FNDC3B: variants seen among roughly 807,000 people sequenced by gnomAD.
The protein encoded by FNDC3B is fibronectin type III domain containing 3B, also known as fibronectin type III domain-containing protein 3B.
A neutral mutation model predicts 151.5 loss-of-function variants in FNDC3B; 12 were observed. That is an observed-to-expected ratio of 0.08 (90% CI 0.05 to 0.13). The LOEUF is 0.13. FNDC3B is among the 10% of genes least tolerant of loss of function. The pLI, the probability that FNDC3B is intolerant of heterozygous loss-of-function variation, is 1.00. For synonymous variants in FNDC3B, 528 were observed against 549.0 expected, an observed-to-expected ratio of 0.96 and a Z score of 0.54; for missense variants, 1,214 against 1,505.3, an observed-to-expected ratio of 0.81 and a Z score of 3.20.
At chr3:172,109,435 G>A (rs1345035605) in intron 1 of FNDC3B, among the ~76,000 whole-genome samples, 1 of 126,764 alleles carries the variant, frequency 7.9e-6, no homozygotes, top group Non-Finnish European at 1.6e-5. Context: ...CAAAGTGCTG[G>A]GATTACAGGC....
chr3:172,368,243 T>C (rs1734723143), intron 23 of FNDC3B, among the ~76,000 whole-genome samples: 1 of 146,624 alleles, frequency 6.8e-6, no homozygotes, highest in Admixed American at 6.9e-5. Flanking sequence ...ACACTACAGC[T>C]TGGGCAACAG....
intron 3 of FNDC3B, among the ~76,000 whole-genome samples, chr3:172,185,643 G>A (rs1374392748): frequency 6.6e-6 from 1 of 152,152 alleles, no homozygotes; most frequent in Non-Finnish European, 1.5e-5. Context: ...CTTGCTGTTT[G>A]CAATATGTCA....
At chr3:172,235,911 G>C (rs1168123229) in intron 4 of FNDC3B, among the ~76,000 whole-genome samples, 1 of 152,206 alleles carries the variant, frequency 6.6e-6, no homozygotes, top group Non-Finnish European at 1.5e-5. Context: ...TGCCTGAGAA[G>C]CTGGGCTGAA....
intron 6 of FNDC3B, among the ~76,000 whole-genome samples, chr3:172,262,648 G>A (rs1453661347): frequency 2.6e-5 from 4 of 151,552 alleles, no homozygotes; most frequent in African/African-American, 9.7e-5. Flanking sequence ...GCCAGGCATG[G>A]GAGGATCACT....
At chr3:172,382,751 C>T (rs765532073) in intron 25 of FNDC3B, among the ~76,000 whole-genome samples, 4 of 152,096 alleles carry the variant, frequency 2.6e-5, no homozygotes, top group Non-Finnish European at 5.9e-5. Context: ...TTGTTTTTGT[C>T]AGGTTTGTCA....
chr3:172,163,070 T>G (rs1050544944), intron 3 of FNDC3B, among the ~76,000 whole-genome samples: 1 of 152,108 alleles, frequency 6.6e-6, no homozygotes, highest in Non-Finnish European at 1.5e-5. Flanking sequence ...GCCAGGAGTT[T>G]GAGACCAGCC....
At chr3:172,285,195 C>G (rs1334088845) in intron 6 of FNDC3B, among the ~76,000 whole-genome samples, 1 of 152,146 alleles carries the variant, frequency 6.6e-6, no homozygotes, top group Non-Finnish European at 1.5e-5. Flanking sequence ...CTCACCCTTA[C>G]CCATCACATC....
Position 172,345,495 on chromosome 3 carries a change from G to A in FNDC3B, c.2251-832G>A, listed in dbSNP as rs1425926885. 2.0e-5 allele frequency among the ~76,000 whole-genome samples: 3 copies of A among 151,962 alleles called. No homozygotes were observed. In the South Asian group the frequency reaches 6.2e-4, roughly 32 times the overall value. ...GTATTAGAAATTAACCATATATATC[G>A]CTGTAGTCACCTTCTGAGGTCCATT... On this transcript the variant is annotated intron_variant, in intron 19 of 25. Transcript: ENST00000415807.
intron 6 of FNDC3B, among the ~76,000 whole-genome samples, chr3:172,275,964 T>G (rs1729413440): frequency 6.6e-6 from 1 of 152,230 alleles, no homozygotes; most frequent in Admixed American, 6.5e-5. Flanking sequence ...ATAGTTTATG[T>G]TTGACTTTCT....
chr3:172,307,509 G>C lies in FNDC3B; in HGVS notation c.1200+8G>C. Reference sequence around the variant, plus strand: ...CTAACCCTGCAGTGGAAGGTGGGTAGCTCAAAGCATCAAGAATCGTCTCAA... The same window carrying C: ...CTAACCCTGCAGTGGAAGGTGGGTACCTCAAAGCATCAAGAATCGTCTCAA... On this transcript the variant is annotated splice_region_variant and intron_variant, in intron 10 of 25. Coordinates refer to ENST00000415807, the MANE Select transcript of FNDC3B (RefSeq NM_022763.4). The C allele has an allele frequency of 6.2e-7, 1 of 1,613,972 alleles. No homozygotes were observed. Among genetic ancestry groups the C allele is most frequent in the Non-Finnish European group, 8.5e-7 (1 of 1,179,886 alleles).
intron 1 of FNDC3B, among the ~76,000 whole-genome samples, chr3:172,105,150 G>A (rs1325375280): frequency 1.3e-5 from 2 of 152,086 alleles, no homozygotes; most frequent in Non-Finnish European, 2.9e-5. Flanking sequence ...ACACATTTAG[G>A]AAACTGTCTG....
At chr3:172,176,933 G>GA (rs1723626479) in intron 3 of FNDC3B, among the ~76,000 whole-genome samples, 1 of 152,094 alleles carries the variant, frequency 6.6e-6, no homozygotes, top group Admixed American at 6.6e-5. Context: ...GCAGTGTGGG[G>GA]ATCAGTGGAT....
At chr3:172,082,864 T>C (rs6766889) in intron 1 of FNDC3B, among the ~76,000 whole-genome samples, 98,268 of 152,084 alleles carry the variant, frequency 0.65, 31,903 homozygotes, top group East Asian at 0.78. Context: ...AGCTCTCTAC[T>C]CATTTAGAAG....
At chr3:172,391,936 CTAAAT>C (rs1736027949) in intron 25 of FNDC3B, among the ~76,000 whole-genome samples, 2 of 151,990 alleles carry the variant, frequency 1.3e-5, no homozygotes, top group African/African-American at 4.8e-5. Flanking sequence ...GAAATTAAAT[CTAAAT>C]TAAGAAAATA....
chr3:172,043,264 G>C (rs1716184155), intron 1 of FNDC3B, among the ~76,000 whole-genome samples: 1 of 152,174 alleles, frequency 6.6e-6, no homozygotes, highest in Admixed American at 6.5e-5. Context: ...TTCCACTTGT[G>C]GCTAGTGGTT....
At chr3:172,385,884 G>A (rs546740472) in intron 25 of FNDC3B, among the ~76,000 whole-genome samples, 26 of 152,044 alleles carry the variant, frequency 1.7e-4, no homozygotes, top group Non-Finnish European at 3.7e-4. Flanking sequence ...TTTTATAGGC[G>A]ACACATGACA....
intron 25 of FNDC3B, among the ~76,000 whole-genome samples, chr3:172,394,661 G>A (rs1736186908): frequency 1.3e-5 from 2 of 152,120 alleles, no homozygotes; most frequent in South Asian, 4.1e-4. Context: ...AATATTTAAA[G>A]AACTAATACC....
In FNDC3B at chr3:172,330,581, A is replaced by G; in HGVS notation, c.1420A>G (p.Ile474Val). 6.2e-7 allele frequency: 1 copy of G among 1,614,154 alleles called. No homozygotes were observed. Among genetic ancestry groups the G allele is most frequent in the Non-Finnish European group, 8.5e-7 (1 of 1,179,986 alleles). The change falls in exon 13 of 26, where the codon ATC (isoleucine) becomes GTC (valine). Residue 474 changes from isoleucine (I) to valine (V), a missense_variant. By Grantham distance (29) the Ile-to-Val change is conservative. This residue lies in a region of FNDC3B where 111 missense variants were observed against 96.8 expected (regional missense o/e 1.15). Coordinates refer to ENST00000415807, the MANE Select transcript of FNDC3B (RefSeq NM_022763.4). ...GGTGGTGTGCTACACATTAGGAAAT[A>G]TCCCTCAGATGCCTTCTGCACCAAG... ...QEVVCYTLGN[I>V]PQMPSAPRLV...
chr3:172,153,670 A>C (rs187620233), intron 3 of FNDC3B, among the ~76,000 whole-genome samples: 2 of 152,358 alleles, frequency 1.3e-5, no homozygotes, highest in African/African-American at 4.8e-5. Context: ...GAAGAAAAAC[A>C]GGAGTGAAGA....
Sources: gnomAD v4.1 joint callset for allele counts (sites outside exome capture counted in the v4.1 genomes callset) on GRCh38, gnomAD v4.1.1 for gene constraint, gnomAD v4.1.1 regional missense constraint, MANE v1.5 for transcripts, NCBI Gene and HGNC (gene_info 2026-07-23, HGNC 2026-07-21) for gene names.